The following CD1B variants were observed in gnomAD, a reference collection of about 807,000 sequenced individuals.
The protein encoded by CD1B is T-cell surface glycoprotein CD1b.
A neutral mutation model predicts 39.8 loss-of-function variants in CD1B; 43 were observed. The observed-to-expected ratio is 1.08, with a 90% CI of 0.85 to 1.39. CD1B has a LOEUF of 1.39. Ranked by LOEUF, CD1B falls within the 40% of genes most tolerant of loss-of-function variation. The probability of loss-of-function intolerance (pLI) is 0.00; values close to 1 mark genes in which losing one functional copy is unlikely to be tolerated. For synonymous variants in CD1B, 192 were observed against 152.5 expected, an observed-to-expected ratio of 1.26 and a Z score of -1.91; for missense variants, 495 against 403.8, an observed-to-expected ratio of 1.23 and a Z score of -1.94.
At chr1:158,292,872 G>A in the CD1B span, 7 of 1,613,636 alleles carry the variant, frequency 4.3e-6, no homozygotes, top group Non-Finnish European at 5.9e-6. Context: ...ATCCTCTACT[G>A]GGGTAAGACT....
At chr1:158,293,418 C>T in the CD1B span, 2 of 1,611,940 alleles carry the variant, frequency 1.2e-6, no homozygotes, top group Non-Finnish European at 1.7e-6. Flanking sequence ...CCACCTCCAA[C>T]TTATTCAGGG....
the CD1B span, chr1:158,293,013 G>A: frequency 2.2e-6 from 2 of 908,454 alleles, no homozygotes; most frequent in East Asian, 2.6e-5. Flanking sequence ...AGTGGAGTAA[G>A]ACCTAAGGGA....
At chr1:158,297,496 A>G in the CD1B span, among the ~76,000 whole-genome samples, 133 of 152,360 alleles carry the variant, frequency 8.7e-4, no homozygotes, top group Admixed American at 2.2e-3. Flanking sequence ...AATGCACTTA[A>G]GTAAACAGAC....
the CD1B span, among the ~76,000 whole-genome samples, chr1:158,310,828 G>T: frequency 3.9e-5 from 6 of 152,222 alleles, no homozygotes; most frequent in South Asian, 1.2e-3. Context: ...TTCTAGCAAG[G>T]TTGCAGAGAA....
the CD1B span, among the ~76,000 whole-genome samples, chr1:158,313,067 A>G: frequency 6.6e-6 from 1 of 152,118 alleles, no homozygotes; most frequent in South Asian, 2.1e-4. Flanking sequence ...TGGGATGTTG[A>G]ATTCTATCAA....
At chr1:158,288,304 C>A in the CD1B span, among the ~76,000 whole-genome samples, 80 of 152,198 alleles carry the variant, frequency 5.3e-4, no homozygotes, top group Non-Finnish European at 7.6e-4. Context: ...GTTGACAAAC[C>A]TAAGAAATAG....
the CD1B span, among the ~76,000 whole-genome samples, chr1:158,289,568 C>T: frequency 2.0e-5 from 3 of 151,892 alleles, no homozygotes; most frequent in Admixed American, 6.6e-5. Context: ...ACTTTGAGGA[C>T]ATTCAAAAGG....
chr1:158,324,371 T>G (rs2317883), downstream of CD1B, among the ~76,000 whole-genome samples: 1 of 151,970 alleles, frequency 6.6e-6, no homozygotes, highest in Non-Finnish European at 1.5e-5. Flanking sequence ...GAGACTTTTG[T>G]CTGTGGATGA....
At chr1:158,292,681 A>G in the CD1B span, 2 of 1,614,044 alleles carry the variant, frequency 1.2e-6, no homozygotes, top group South Asian at 2.2e-5. Context: ...GCTTCTACCC[A>G]AAGCCTGTTT....
chr1:158,308,337 C>T, the CD1B span, among the ~76,000 whole-genome samples: 1 of 152,208 alleles, frequency 6.6e-6, no homozygotes, highest in Admixed American at 6.5e-5. Flanking sequence ...AAAGAAGATA[C>T]AAACAAATGG....
the CD1B span, among the ~76,000 whole-genome samples, chr1:158,312,922 T>A: frequency 1.3e-5 from 2 of 152,196 alleles, no homozygotes; most frequent in African/African-American, 4.8e-5. Flanking sequence ...CTTTGCTTAG[T>A]TCCAGATTTT....
chr1:158,304,478 G>A, the CD1B span, among the ~76,000 whole-genome samples: 3 of 152,156 alleles, frequency 2.0e-5, no homozygotes, highest in Non-Finnish European at 2.9e-5. Context: ...AGCTCAAGGA[G>A]GCCTGCCTGC....
chr1:158,307,895 C>G, the CD1B span, among the ~76,000 whole-genome samples: 1 of 152,048 alleles, frequency 6.6e-6, no homozygotes, highest in Non-Finnish European at 1.5e-5. Flanking sequence ...ATGGGCAAAA[C>G]CTGGAAGCAT....
the CD1B span, chr1:158,289,955 G>A: frequency 6.3e-6 from 6 of 949,142 alleles, no homozygotes; most frequent in Admixed American, 1.2e-4. Flanking sequence ...CGGCTGATGG[G>A]GAAGATTGTT....
chr1:158,331,034 A>G lies in CD1B; in HGVS notation c.90T>C (p.Val30=), dbSNP rs778005927. ...HAFQGPTSFH[V]IQTSSFTNST... is the part of the protein sequence containing the mutation. Reference sequence around the variant, plus strand: ...TATTGGTAAAGGACGAGGTCTGGATAACATGAAAGGAGGTCGGCCCCTGGA... The same window carrying G: ...TATTGGTAAAGGACGAGGTCTGGATGACATGAAAGGAGGTCGGCCCCTGGA... Residue 30 remains valine, a synonymous_variant, in exon 2 of 6, where the codon GTT becomes GTC. Coordinates refer to ENST00000368168, the MANE Select transcript of CD1B (RefSeq NM_001764.3). 4 of 1,613,594 alleles carry G rather than the reference A, an allele frequency of 2.5e-6. 1 individual carries two copies. In the South Asian group the frequency reaches 3.3e-5, roughly 13 times the overall value.
the CD1B span, among the ~76,000 whole-genome samples, chr1:158,305,388 AT>A: frequency 6.6e-6 from 1 of 152,198 alleles, no homozygotes; most frequent in Admixed American, 6.5e-5. Context: ...ACGAAAAAGA[AT>A]AAAAAGAAAT....
At chr1:158,298,485 G>A in the CD1B span, among the ~76,000 whole-genome samples, 1,222 of 152,290 alleles carry the variant, frequency 8.0e-3, 16 homozygotes, top group African/African-American at 0.027. Flanking sequence ...GCTTAGGATT[G>A]TCTTGGCAAT....
chr1:158,291,976 A>G, the CD1B span: 2 of 1,105,340 alleles, frequency 1.8e-6, no homozygotes, highest in Non-Finnish European at 1.3e-6. Context: ...TCACTCTCAC[A>G]TCCATGTAAA....
chr1:158,299,563 A>G, the CD1B span, among the ~76,000 whole-genome samples: 2 of 152,212 alleles, frequency 1.3e-5, no homozygotes, highest in Non-Finnish European at 2.9e-5. Flanking sequence ...AAGGAATGGT[A>G]CCAGCTCCTC....
Sources: allele counts gnomAD v4.1 joint callset (sites outside exome capture counted in the v4.1 genomes callset), GRCh38; gene constraint gnomAD v4.1.1; transcripts MANE v1.5; gene names NCBI Gene and HGNC (gene_info 2026-07-23, HGNC 2026-07-21).